ZFC3H1: variants seen among roughly 807,000 people sequenced by gnomAD.
ZFC3H1 encodes zinc finger C3H1-type containing, also known as zinc finger C3H1 domain-containing protein.
In ZFC3H1, 71 loss-of-function variants were observed where a neutral mutation model predicts 243.7. The ratio of observed to expected loss-of-function variants is 0.29; its 90% CI spans 0.24 to 0.36. The LOEUF (loss-of-function observed/expected upper bound fraction) is 0.36, where lower values mean the gene tolerates loss of function less well. Among genes scored for constraint, ZFC3H1 ranks in the 10% least tolerant of loss-of-function variants. The pLI, the probability that ZFC3H1 is intolerant of heterozygous loss-of-function variation, is 1.00. For missense variants in ZFC3H1, 1,966 were observed against 2,317.1 expected (o/e 0.85, Z 3.11); for synonymous variants, 838 against 813.0 (o/e 1.03, Z -0.52).
chr12:71,642,560 C>CT lies in ZFC3H1; in HGVS notation c.1504-2dup. ...ATCGCCTCAGGTCAGGATCTGAAGA[C>CT]TAAGTATACAACACTTTTTTAGTTT... On this transcript the variant is annotated splice_acceptor_variant, in intron 5 of 34. Transcript: ENST00000378743. LOFTEE classifies it high-confidence loss of function. The CT allele has an allele frequency of 1.2e-6, 2 of 1,606,012 alleles. No individual in the cohort carries two copies. Among genetic ancestry groups the CT allele is most frequent in the African/African-American group, 1.3e-5 (1 of 74,752 alleles).
At position 71,663,779 on chromosome 12, in the gene ZFC3H1, T is replaced by C; in HGVS notation, c.-169A>G. 1.3e-6 allele frequency: 1 copy of C among 743,014 alleles called. No individual in the cohort carries two copies. The highest frequency in any genetic ancestry group is 2.2e-6 in the Non-Finnish European group (1 of 464,978). The allele number at this position is 743,014 out of a possible 1,614,324, so 46.0% of individuals were successfully genotyped here. On this transcript the variant is annotated 5_prime_UTR_variant, in exon 1 of 35. Transcript: ENST00000378743. ...TCCCCGCACCCCAGCACCCCAGCTC[T>C]CTCTCGCCGGACCGTCGCAACCCAG...
Position 71,615,220 on chromosome 12 carries a change from C to G in ZFC3H1, c.5241G>C (p.Leu1747Phe). The G allele has an allele frequency of 6.2e-7, 1 of 1,611,104 alleles. No individual in the cohort carries two copies. The highest frequency in any genetic ancestry group is 1.1e-5 in the South Asian group (1 of 90,294). ...DDMFNHQVPY[L>F]WLIYCLCHPL... Reference sequence around the variant, plus strand: ...GGATGTCTCACCAGTAAATCAGCCACAAATAAGGAACTTGGTGGTTAAACA... The same window carrying G: ...GGATGTCTCACCAGTAAATCAGCCAGAAATAAGGAACTTGGTGGTTAAACA... Residue 1747 changes from leucine (L) to phenylalanine (F), a missense_variant, in exon 28 of 35, where the codon TTG becomes TTC. Transcript: ENST00000378743.
chr12:71,610,445 C>T lies in ZFC3H1; in HGVS notation c.5953G>A (p.Glu1985Lys), dbSNP rs1879741189. 1.2e-6 allele frequency: 2 copies of T among 1,612,980 alleles called. No individual in the cohort carries two copies. The highest frequency in any genetic ancestry group is 2.2e-5 in the South Asian group (2 of 91,006). ...ELLNLNSNKTESKNH is the reference protein window; with the variant it reads ...ELLNLNSNKTKSKNH ...CCCAGTGTTCAGTGATTCTTGCTTT[C>T]TGTTTTGTTACTGTTTAAATTTAAG... is the stretch of plus-strand genomic sequence containing the variant. Residue 1985 changes from glutamate to lysine, a missense_variant, in exon 35 of 35, where the codon GAA becomes AAA. Physicochemically the swap from Glu to Lys is moderately conservative, Grantham distance 56 (BLOSUM62 1). Around this residue, in one of 4 missense-constraint regions of ZFC3H1, gnomAD observed 1,383 missense variants for 1,723.7 expected, o/e 0.80. Coordinates refer to ENST00000378743, the MANE Select transcript of ZFC3H1 (RefSeq NM_144982.5).
rs755428671 is a variant in ZFC3H1, at chr12:71,620,015, T to C, written c.4960A>G (p.Lys1654Glu). 1 of 1,613,714 alleles carries C rather than the reference T, an allele frequency of 6.2e-7. No individual in the cohort carries two copies. The highest frequency in any genetic ancestry group is 2.2e-5 in the East Asian group (1 of 44,872). The change falls in exon 26 of 35, where the codon AAA becomes GAA. Residue 1654 changes from lysine (K) to glutamate (E), a missense_variant. Around this residue, in one of 4 missense-constraint regions of ZFC3H1, gnomAD observed 1,383 missense variants for 1,723.7 expected, o/e 0.80. Transcript: ENST00000378743. The stretch of plus-strand genomic sequence containing the variant: ...GCAGTAAGCCACACTGCTCTGGCTT[T>C]GTCATGCTGATTTGTTTGCAAATAT... The part of the protein sequence containing the change: ...ALYLQTNQHD[K>E]ARAVWLTAFE...
At position 71,657,252 on chromosome 12, in the gene ZFC3H1, T is replaced by C; in HGVS notation, c.648A>G (p.Lys216=). The change falls in exon 2 of 35, where the codon AAA becomes AAG. Residue 216 remains lysine (K), a synonymous_variant. Coordinates refer to ENST00000378743, the MANE Select transcript of ZFC3H1 (RefSeq NM_144982.5). ...AAGTTTCTTCCACACAGTTTTCATT[T>C]TTTGATGAATAATTTTGTTTTCTTG... ...SPSRKQNYSS[K]NENCVEETFE... is the part of the protein sequence containing the mutation. 2 of 1,588,286 alleles carry C rather than the reference T, an allele frequency of 1.3e-6. No homozygotes were observed. Among genetic ancestry groups the C allele is most frequent in the Non-Finnish European group, 1.7e-6 (2 of 1,170,562 alleles).
rs1225349553 is a variant in ZFC3H1, at chr12:71,663,513, T to C, written c.98A>G (p.Asn33Ser). 1.2e-6 allele frequency: 2 copies of C among 1,613,462 alleles called. No homozygotes were observed. The highest frequency in any genetic ancestry group is 3.3e-5 in the Admixed American group (2 of 60,014). ...GCTGCTCCGACTCCGTATCTGGCTG[T>C]TATTATCGTCGTCACTGATTTCCCC... ...EDGEISDDDNNSQIRSRSSSS... is the reference protein window; with the variant it reads ...EDGEISDDDNSSQIRSRSSSS... Residue 33 changes from asparagine (N) to serine (S), a missense_variant, in exon 1 of 35, where the codon AAC becomes AGC. Around this residue, in one of 4 missense-constraint regions of ZFC3H1, gnomAD observed 484 missense variants for 449.7 expected, o/e 1.08. Coordinates refer to ENST00000378743, the MANE Select transcript of ZFC3H1 (RefSeq NM_144982.5).
At position 71,613,347 on chromosome 12, in the gene ZFC3H1, C is replaced by A. The variant is rs1462097568; in HGVS notation, c.5615G>T (p.Gly1872Val). Residue 1872 changes from glycine to valine, a missense_variant, in exon 31 of 35, where the codon GGA becomes GTA. Gly to Val is a moderately radical substitution (Grantham distance 109). Transcript: ENST00000378743. ...AAGTTTTTCTTACCTCAATGCAAGT[C>A]CAGAATTAGCTGGCATAACTGAACA... is the stretch of plus-strand genomic sequence containing the variant. Reference protein sequence around the residue: ...RFCSVMPANSGLALRLLQHEW... With the variant: ...RFCSVMPANSVLALRLLQHEW... 2 of 1,609,318 alleles carry A rather than the reference C, an allele frequency of 1.2e-6. No homozygotes were observed. Among genetic ancestry groups the A allele is most frequent in the African/African-American group, 1.3e-5 (1 of 74,910 alleles).
At chr12:71,641,807 A>G (rs1021341908) in intron 6 of ZFC3H1, among the ~76,000 whole-genome samples, 3 of 152,174 alleles carry the variant, frequency 2.0e-5, no homozygotes, top group African/African-American at 7.2e-5. Context: ...ATAAAGATCA[A>G]GAGTTTGTTT....
At chr12:71,627,429 T>C (rs1214545069) in intron 21 of ZFC3H1, among the ~76,000 whole-genome samples, 2 of 152,166 alleles carry the variant, frequency 1.3e-5, no homozygotes, top group Non-Finnish European at 2.9e-5. Flanking sequence ...ATGACTACTA[T>C]GATTTTTTTA....
At chr12:71,651,076 T>A (rs1880871694) in intron 2 of ZFC3H1, among the ~76,000 whole-genome samples, 1 of 152,200 alleles carries the variant, frequency 6.6e-6, no homozygotes, top group African/African-American at 2.4e-5. Context: ...GAAGGGCTGG[T>A]TAAATACAGA....
At chr12:71,641,695 C>T (rs1880606027) in intron 6 of ZFC3H1, among the ~76,000 whole-genome samples, 1 of 152,214 alleles carries the variant, frequency 6.6e-6, no homozygotes, top group Non-Finnish European at 1.5e-5. Flanking sequence ...CTATCACTTT[C>T]TGTCTCAAAA....
chr12:71,635,439 T>C lies in ZFC3H1; in HGVS notation c.2238+4A>G. 1 of 1,564,544 alleles carries C rather than the reference T, an allele frequency of 6.4e-7. No homozygotes were observed. Among genetic ancestry groups the C allele is most frequent in the Non-Finnish European group, 8.6e-7 (1 of 1,163,490 alleles). ...TTCTTTCCACCTTTAATTATTGCAC[T>C]TACCTCAGCAGTTCGTCTTGCTTCT... On this transcript the variant is annotated splice_donor_region_variant and intron_variant, in intron 10 of 34. Coordinates refer to ENST00000378743, the MANE Select transcript of ZFC3H1 (RefSeq NM_144982.5).
rs1175554425 is a variant in ZFC3H1 at position 71,644,950 on chromosome 12, A to ACT, written c.1205_1206insAG (p.Lys403ValfsTer30). ...CTTTTTGCTGTACAGTTTTCGTCTT[A>ACT]GTCAACTTTTCTTTGCTTTCTTTCA... On this transcript the variant is annotated frameshift_variant, in exon 4 of 35. Transcript: ENST00000378743. LOFTEE classifies it high-confidence loss of function. 2 of 1,613,062 alleles carry ACT rather than the reference A, an allele frequency of 1.2e-6. No homozygotes were observed. Among genetic ancestry groups the ACT allele is most frequent in the African/African-American group, 2.7e-5 (2 of 74,910 alleles).
chr12:71,652,959 AAC>A (rs796074016), intron 2 of ZFC3H1, among the ~76,000 whole-genome samples: 1 of 152,066 alleles, frequency 6.6e-6, no homozygotes. Context: ...TTCAAAAAAA[AAC>A]AACGACCATC....
At chr12:71,620,919 T>C (rs763746098) in intron 24 of ZFC3H1, among the ~76,000 whole-genome samples, 2 of 152,332 alleles carry the variant, frequency 1.3e-5, no homozygotes, top group Non-Finnish European at 2.9e-5. Flanking sequence ...GTGAATGCAA[T>C]CACTTTGAAA....
At chr12:71,654,293 T>C (rs763103026) in intron 2 of ZFC3H1, among the ~76,000 whole-genome samples, 1 of 151,888 alleles carries the variant, frequency 6.6e-6, no homozygotes, top group African/African-American at 2.4e-5. Context: ...TTTTAAAACA[T>C]AGCCGGGCAT....
At chr12:71,656,401 C>A (rs1881020151) in intron 2 of ZFC3H1, 1 of 523,886 alleles carries the variant, frequency 1.9e-6, no homozygotes, top group South Asian at 3.2e-5. Context: ...TGGTTTAATA[C>A]TAGAAATAAA....
At chr12:71,640,451 C>G (rs545169135) in intron 6 of ZFC3H1, among the ~76,000 whole-genome samples, 20 of 152,372 alleles carry the variant, frequency 1.3e-4, no homozygotes, top group African/African-American at 4.8e-4. Context: ...AGATGTGGGC[C>G]TTGCCCTGTG....
At chr12:71,647,602 T>TAAGC in intron 3 of ZFC3H1, 147 bp downstream of exon 3, 2 of 498,732 alleles carry the variant, frequency 4.0e-6, no homozygotes, top group Non-Finnish European at 7.0e-6. Flanking sequence ...ATCCAGAATT[T>TAAGC]CTTTAAGGCT....
Sources: gnomAD v4.1 joint callset for allele counts (sites outside exome capture counted in the v4.1 genomes callset) on GRCh38, gnomAD v4.1.1 for gene constraint, gnomAD v4.1.1 regional missense constraint, MANE v1.5 for transcripts, NCBI Gene and HGNC (gene_info 2026-07-23, HGNC 2026-07-21) for gene names.